The following SLC24A2 variants were observed in gnomAD, a reference collection of about 807,000 sequenced individuals.
SLC24A2 encodes the protein solute carrier family 24 member 2, also known as sodium/potassium/calcium exchanger 2.
Under a neutral mutation model 62.0 loss-of-function variants are expected in SLC24A2, and 36 were observed. That is an observed-to-expected ratio of 0.58 (90% confidence interval 0.44 to 0.77). The LOEUF (loss-of-function observed/expected upper bound fraction) is 0.77. SLC24A2 is among the 30% of genes least tolerant of loss of function. The pLI is 0.00. For missense variants in SLC24A2, 846 were observed against 817.9 expected (o/e 1.03, Z -0.42); for synonymous variants, 358 against 294.0 (o/e 1.22, Z -2.23).
At chr9:19,518,591 T>G (rs941379359) in intron 10 of SLC24A2, among the ~76,000 whole-genome samples, 19 of 152,056 alleles carry the variant, frequency 1.2e-4, no homozygotes, top group African/African-American at 4.3e-4. Flanking sequence ...GTAGATAATT[T>G]TTGTATTTTC....
chr9:20,295,406 A>C, the SLC24A2 span, among the ~76,000 whole-genome samples: 1 of 152,192 alleles, frequency 6.6e-6, no homozygotes, highest in East Asian at 1.9e-4. Context: ...CCAAGTGGAC[A>C]AGGAGTGGAT....
intron 7 of SLC24A2, among the ~76,000 whole-genome samples, chr9:19,567,153 AT>A (rs1242046452): frequency 6.7e-6 from 1 of 150,026 alleles, no homozygotes; most frequent in Non-Finnish European, 1.5e-5. Flanking sequence ...AATAAAAAAA[AT>A]AAACCTAGAA....
At chr9:19,799,035 G>T in the SLC24A2 span, among the ~76,000 whole-genome samples, 1 of 152,038 alleles carries the variant, frequency 6.6e-6, no homozygotes, top group South Asian at 2.1e-4. Context: ...GATTTTCAAA[G>T]AAAGCTTCTA....
chr9:20,176,810 T>A, the SLC24A2 span, among the ~76,000 whole-genome samples: 1 of 152,108 alleles, frequency 6.6e-6, no homozygotes, highest in Non-Finnish European at 1.5e-5. Context: ...AAAAGCAAGT[T>A]GAAAAATCTG....
chr9:19,968,781 T>A, the SLC24A2 span, among the ~76,000 whole-genome samples: 3 of 152,164 alleles, frequency 2.0e-5, no homozygotes, highest in Non-Finnish European at 4.4e-5. Flanking sequence ...AACAGATTGC[T>A]CCAAATGTGA....
At chr9:20,083,036 A>G in the SLC24A2 span, among the ~76,000 whole-genome samples, 1 of 152,204 alleles carries the variant, frequency 6.6e-6, no homozygotes, top group African/African-American at 2.4e-5. Context: ...ATTCAGTGTC[A>G]TACTACAGTG....
the SLC24A2 span, among the ~76,000 whole-genome samples, chr9:19,823,934 T>C: frequency 1.3e-5 from 2 of 152,172 alleles, no homozygotes; most frequent in African/African-American, 4.8e-5. Flanking sequence ...TGATTCCCTA[T>C]TTAATAAATG....
the SLC24A2 span, among the ~76,000 whole-genome samples, chr9:20,017,957 TC>T: frequency 3.3e-5 from 5 of 152,200 alleles, no homozygotes; most frequent in African/African-American, 1.2e-4. Flanking sequence ...TGCATCCTTT[TC>T]TTTTTTTACA....
intron 2 of SLC24A2, among the ~76,000 whole-genome samples, chr9:19,741,074 T>G (rs1587251406): frequency 6.6e-6 from 1 of 152,176 alleles, no homozygotes; most frequent in Non-Finnish European, 1.5e-5. Context: ...TCCTGGCACC[T>G]AGAATGCTGT....
chr9:19,682,786 T>C (rs1819760510), intron 2 of SLC24A2, among the ~76,000 whole-genome samples: 1 of 152,154 alleles, frequency 6.6e-6, no homozygotes, highest in African/African-American at 2.4e-5. Context: ...AAAACTAATT[T>C]GTCTTTATTC....
the SLC24A2 span, among the ~76,000 whole-genome samples, chr9:20,087,683 T>C: frequency 2.6e-5 from 4 of 152,210 alleles, no homozygotes; most frequent in East Asian, 7.7e-4. Flanking sequence ...AACAGATGTG[T>C]TGGAGGCTGG....
At chr9:19,721,161 A>G (rs1821015059) in intron 2 of SLC24A2, among the ~76,000 whole-genome samples, 1 of 152,194 alleles carries the variant, frequency 6.6e-6, no homozygotes, top group Admixed American at 6.5e-5. Flanking sequence ...AAAGAAAGAA[A>G]GAAGTTGAAA....
At chr9:20,183,258 C>T in the SLC24A2 span, among the ~76,000 whole-genome samples, 1 of 152,102 alleles carries the variant, frequency 6.6e-6, no homozygotes, top group African/African-American at 2.4e-5. Flanking sequence ...GTGTTTGGCA[C>T]AGCTGGAAAG....
At chr9:20,307,824 C>CA in the SLC24A2 span, among the ~76,000 whole-genome samples, 1 of 152,154 alleles carries the variant, frequency 6.6e-6, no homozygotes, top group African/African-American at 2.4e-5. Flanking sequence ...CCGCTTCTCC[C>CA]AGGGAAGGAG....
intron 2 of SLC24A2, among the ~76,000 whole-genome samples, chr9:19,718,238 G>T (rs192450966): frequency 1.4e-5 from 2 of 145,608 alleles, no homozygotes; most frequent in Non-Finnish European, 3.0e-5. Context: ...GCCTCCCAAA[G>T]TGCTGGGATT....
At chr9:20,281,847 T>C in the SLC24A2 span, among the ~76,000 whole-genome samples, 1 of 152,368 alleles carries the variant, frequency 6.6e-6, no homozygotes, top group East Asian at 1.9e-4. Context: ...ATCTCTACAG[T>C]ACTAAATCTT....
At chr9:19,869,695 T>C in the SLC24A2 span, among the ~76,000 whole-genome samples, 1 of 152,232 alleles carries the variant, frequency 6.6e-6, no homozygotes. Context: ...CCTCTTCCTT[T>C]GTGCTATCCT....
the SLC24A2 span, among the ~76,000 whole-genome samples, chr9:20,182,635 G>C: frequency 6.6e-6 from 1 of 152,096 alleles, no homozygotes; most frequent in Non-Finnish European, 1.5e-5. Flanking sequence ...GGGCCTGTCG[G>C]GGCGGGGGTG....
At chr9:20,011,806 A>G in the SLC24A2 span, among the ~76,000 whole-genome samples, 2 of 152,230 alleles carry the variant, frequency 1.3e-5, no homozygotes, top group African/African-American at 4.8e-5. Flanking sequence ...AAAAACAGCA[A>G]GAGACTTTAA....
Sources: allele counts gnomAD v4.1 joint callset (sites outside exome capture counted in the v4.1 genomes callset), GRCh38; gene constraint gnomAD v4.1.1; transcripts MANE v1.5; gene names NCBI Gene and HGNC (gene_info 2026-07-23, HGNC 2026-07-21).